The following PDIA5 variants were observed in gnomAD, a reference collection of about 807,000 sequenced individuals.
PDIA5 encodes protein disulfide-isomerase A5.
Under a neutral mutation model 77.6 loss-of-function variants are expected in PDIA5, and 58 were observed. That is an observed-to-expected ratio of 0.75 (90% CI 0.61 to 0.93). The LOEUF (loss-of-function observed/expected upper bound fraction) is 0.93. PDIA5 is among the 40% of genes least tolerant of loss of function. PDIA5 has a pLI of 0.00. For synonymous variants in PDIA5, 250 were observed against 252.1 expected (o/e 0.99, Z 0.08); for missense variants, 630 against 647.7 (o/e 0.97, Z 0.30).
rs905506909 is a variant in PDIA5 at position 123,071,408 on chromosome 3, G to T, written c.42+4202G>T. On this transcript the variant is annotated intron_variant, in intron 1 of 16. Coordinates refer to ENST00000316218, the MANE Select transcript of PDIA5 (RefSeq NM_006810.4). ...AGGACAGTGGGTGGAGGTGCAGGAG[G>T]CAGATGTTTGTTCCTGGCATCTCCT... 2.0e-5 allele frequency among the ~76,000 whole-genome samples: 3 copies of T among 152,138 alleles called. No individual in the cohort carries two copies. The East Asian group carries it at 5.8e-4, about 29-fold the overall frequency.
At position 123,130,574 on chromosome 3, in the gene PDIA5, G is replaced by A. The variant is rs1576456210; in HGVS notation, c.868G>A (p.Val290Met). Reference sequence around the variant, plus strand: ...GACCGATGAAGACTTTGACCAGTTTGTGAAGGAACACTCCTCTGTCCTCGT... The same window carrying A: ...GACCGATGAAGACTTTGACCAGTTTATGAAGGAACACTCCTCTGTCCTCGT... ...HLTDEDFDQF[V>M]KEHSSVLVMF... The change falls in exon 11 of 17, where the codon GTG (valine) becomes ATG (methionine). Residue 290 changes from valine to methionine, a missense_variant. Transcript: ENST00000316218. The A allele has an allele frequency of 1.9e-6, 3 of 1,614,164 alleles. No individual in the cohort carries two copies. In the East Asian group the frequency reaches 6.7e-5, roughly 36 times the overall value.
At chr3:123,101,363 T>A (rs975986819) in intron 3 of PDIA5, among the ~76,000 whole-genome samples, 58 of 152,292 alleles carry the variant, frequency 3.8e-4, no homozygotes, top group Non-Finnish European at 6.9e-4. Flanking sequence ...GGACCACACA[T>A]TGAAATCCAT....
intron 8 of PDIA5, among the ~76,000 whole-genome samples, chr3:123,123,355 C>A (rs1218999200): frequency 6.6e-6 from 1 of 152,116 alleles, no homozygotes; most frequent in Non-Finnish European, 1.5e-5. Flanking sequence ...ACATGTGGAC[C>A]CCTGGAGCCA....
intron 10 of PDIA5, among the ~76,000 whole-genome samples, chr3:123,125,031 C>A (rs1330650585): frequency 6.6e-6 from 1 of 152,170 alleles, no homozygotes; most frequent in Non-Finnish European, 1.5e-5. Flanking sequence ...CCTGGAGCCT[C>A]CACTGTGCTA....
chr3:123,112,516 C>T (rs1215662578), intron 7 of PDIA5, among the ~76,000 whole-genome samples: 5 of 148,622 alleles, frequency 3.4e-5, no homozygotes, highest in African/African-American at 5.0e-5. Flanking sequence ...ATGACAGCAG[C>T]CTTTCCCCAG....
At chr3:123,135,126 G>A (rs1295282122) in intron 11 of PDIA5, among the ~76,000 whole-genome samples, 1 of 152,208 alleles carries the variant, frequency 6.6e-6, no homozygotes, top group African/African-American at 2.4e-5. Flanking sequence ...TTTTTCTGCG[G>A]CGTTCCATAT....
intron 7 of PDIA5, among the ~76,000 whole-genome samples, chr3:123,115,776 T>A (rs559566433): frequency 1.3e-5 from 2 of 152,376 alleles, no homozygotes; most frequent in African/African-American, 4.8e-5. Flanking sequence ...GTGATCGTAT[T>A]CGTGGTCACA....
chr3:123,074,869 A>G (rs530853489), intron 1 of PDIA5, among the ~76,000 whole-genome samples: 1 of 152,366 alleles, frequency 6.6e-6, no homozygotes, highest in East Asian at 1.9e-4. Flanking sequence ...AACACTTGGA[A>G]ATAAAAGATG....
At chr3:123,111,077 GC>G in intron 7 of PDIA5, 73 bp downstream of exon 7, 1 of 1,075,520 alleles carries the variant, frequency 9.3e-7, no homozygotes. Context: ...GGTGGGGGTT[GC>G]GGGCGGGGTC....
Position 123,151,734 on chromosome 3 carries a change from T to TCCTTCCTGCCTGCCTG in PDIA5, c.1273+1373_1273+1374insTCCTGCCTGCCTGCCT, listed in dbSNP as rs1464728162. 1.5e-4 allele frequency among the ~76,000 whole-genome samples: 17 copies of TCCTTCCTGCCTGCCTG among 111,514 alleles called. 1 individual carries two copies. Among genetic ancestry groups the TCCTTCCTGCCTGCCTG allele is most frequent in the Non-Finnish European group, 2.4e-4 (13 of 54,814 alleles). 73.2% of individuals were successfully genotyped at this position (111,514 alleles called of 152,430 possible). A position where few individuals can be genotyped will look rare whatever the true frequency, so the allele number is the denominator to read the frequency against. On this transcript the variant is annotated intron_variant, in intron 14 of 16. Transcript: ENST00000316218. The stretch of plus-strand genomic sequence containing the variant: ...TGCCAAAGATCTACAACTCCTTCCT[T>TCCTTCCTGCCTGCCTG]CCTGCCTGCCTGCCTGCCTGCCTGC...
intron 11 of PDIA5, among the ~76,000 whole-genome samples, chr3:123,138,610 T>C (rs909361820): frequency 2.0e-5 from 3 of 152,228 alleles, no homozygotes; most frequent in African/African-American, 7.2e-5. Context: ...ACAAACTCTT[T>C]GCATAAGAAG....
intron 11 of PDIA5, among the ~76,000 whole-genome samples, chr3:123,135,709 A>G (rs1935483042): frequency 6.6e-6 from 1 of 150,550 alleles, no homozygotes; most frequent in Non-Finnish European, 1.5e-5. Context: ...TTAAGGAAAG[A>G]AACTACCTAT....
chr3:123,077,879 A>G (rs377722060), intron 1 of PDIA5, among the ~76,000 whole-genome samples: 1 of 150,272 alleles, frequency 6.7e-6, no homozygotes, highest in East Asian at 2.0e-4. Flanking sequence ...GTGCGATCTC[A>G]GCTCACTACG....
At chr3:123,123,992 G>A in intron 8 of PDIA5, 74 bp from the exon 9 acceptor site, 1 of 912,446 alleles carries the variant, frequency 1.1e-6, no homozygotes, top group Non-Finnish European at 1.8e-6. Flanking sequence ...GACAGCAGCT[G>A]GACAGATGGC....
intron 3 of PDIA5, among the ~76,000 whole-genome samples, chr3:123,100,119 G>GAGC (rs919695310): frequency 1.3e-5 from 2 of 152,240 alleles, no homozygotes; most frequent in Admixed American, 6.5e-5. Flanking sequence ...AGAAACAGTG[G>GAGC]AGCATAGCAG....
intron 11 of PDIA5, among the ~76,000 whole-genome samples, chr3:123,138,121 A>T (rs944976983): frequency 2.0e-5 from 3 of 151,996 alleles, no homozygotes; most frequent in African/African-American, 7.3e-5. Context: ...AATTTTTTAA[A>T]TTTTTATAGC....
At chr3:123,148,231 G>T (rs1174551313) in intron 13 of PDIA5, among the ~76,000 whole-genome samples, 1 of 152,130 alleles carries the variant, frequency 6.6e-6, no homozygotes, top group Admixed American at 6.5e-5. Context: ...TGAGACTCCT[G>T]TGAAAAGTGC....
rs1935190573 is a variant in PDIA5, at chr3:123,124,270, A to G, written c.702-2A>G. The G allele has an allele frequency of 6.2e-7, 1 of 1,611,630 alleles. No individual in the cohort carries two copies. The highest frequency in any genetic ancestry group is 1.3e-5 in the African/African-American group (1 of 74,886). On this transcript the variant is annotated splice_acceptor_variant, in intron 9 of 16. Transcript: ENST00000316218. LOFTEE classifies it high-confidence loss of function. ...CCCACGTTGTTTCTCCACGTTTCAC[A>G]GGAAAGGACGGTTCTTGTTCCAGTA...
Position 123,146,214 on chromosome 3 carries a change from T to G in PDIA5, c.1097T>G (p.Val366Gly). 6.2e-7 allele frequency: 1 copy of G among 1,614,152 alleles called. No individual in the cohort carries two copies. Among genetic ancestry groups the G allele is most frequent in the Non-Finnish European group, 8.5e-7 (1 of 1,179,970 alleles). Residue 366 changes from valine (V) to glycine (G), a missense_variant, in exon 13 of 17, where the codon GTG (valine) becomes GGG (glycine). By Grantham distance (109) the Val-to-Gly change is moderately radical. Coordinates refer to ENST00000316218, the MANE Select transcript of PDIA5 (RefSeq NM_006810.4). ...KYFKNGEKYAVPVLRTKKKFL... is the reference protein window; with the variant it reads ...KYFKNGEKYAGPVLRTKKKFL... The stretch of plus-strand genomic sequence containing the variant: ...TTTAAGAATGGAGAGAAATACGCAG[T>G]GCCTGTGCTCAGGACAAAGAAGAAG...
Sources: gnomAD v4.1 joint callset for allele counts (sites outside exome capture counted in the v4.1 genomes callset) on GRCh38, gnomAD v4.1.1 for gene constraint, MANE v1.5 for transcripts, NCBI Gene and HGNC (gene_info 2026-07-23, HGNC 2026-07-21) for gene names.